ARL15: variants seen among roughly 807,000 people sequenced by gnomAD.
The protein encoded by ARL15 is ARF like GTPase 15.
ARL15 carries 19 observed loss-of-function variants against 25.2 expected under a neutral mutation model. The ratio of observed to expected loss-of-function variants is 0.75; its 90% CI spans 0.53 to 1.10. The LOEUF (loss-of-function observed/expected upper bound fraction) is 1.10. Ranked by LOEUF, ARL15 falls within the 50% of genes least tolerant of loss-of-function variation. The pLI, the probability that ARL15 is intolerant of heterozygous loss-of-function variation, is 0.00. For synonymous variants in ARL15, 94 were observed against 86.8 expected, an observed-to-expected ratio of 1.08 and a Z score of -0.46; for missense variants, 220 against 246.0, an observed-to-expected ratio of 0.89 and a Z score of 0.71.
At chr5:54,287,856 C>T (rs1758221815) in intron 1 of ARL15, among the ~76,000 whole-genome samples, 1 of 152,240 alleles carries the variant, frequency 6.6e-6, no homozygotes, top group East Asian at 1.9e-4. Flanking sequence ...TAGTAGCTGA[C>T]CAACAACCAT....
chr5:54,024,869 T>C (rs576157377), intron 4 of ARL15, among the ~76,000 whole-genome samples: 2 of 152,210 alleles, frequency 1.3e-5, no homozygotes, highest in East Asian at 3.9e-4. Context: ...AAAAGGCAAT[T>C]CAAGAAGGAA....
At chr5:54,169,906 A>C (rs1754670109) in intron 2 of ARL15, among the ~76,000 whole-genome samples, 1 of 151,956 alleles carries the variant, frequency 6.6e-6, no homozygotes, top group South Asian at 2.1e-4. Flanking sequence ...CAATCCCCTT[A>C]TCCTTTCCCT....
chr5:54,080,004 CACACACACACACAG>C (rs1325724884), intron 4 of ARL15, among the ~76,000 whole-genome samples: 3 of 125,638 alleles, frequency 2.4e-5, no homozygotes, highest in Admixed American at 7.8e-5. Flanking sequence ...CACACACACA[CACACACACACACAG>C]ACACAGATGT....
chr5:54,255,157 G>C (rs1399869045), intron 1 of ARL15, among the ~76,000 whole-genome samples: 5 of 151,996 alleles, frequency 3.3e-5, no homozygotes. Flanking sequence ...TTACTGAAAT[G>C]GACACACGTA....
chr5:54,294,839 T>C (rs1257349057), intron 1 of ARL15, among the ~76,000 whole-genome samples: 1 of 152,174 alleles, frequency 6.6e-6, no homozygotes, highest in Non-Finnish European at 1.5e-5. Context: ...TATAAAGCAA[T>C]TGGGATAAAT....
intron 4 of ARL15, among the ~76,000 whole-genome samples, chr5:54,049,050 T>A (rs1426453570): frequency 6.6e-6 from 1 of 152,064 alleles, no homozygotes; most frequent in East Asian, 1.9e-4. Flanking sequence ...AATCCCTGCA[T>A]TGGTGGGGAA....
At chr5:54,149,392 AAG>A (rs1457754598) in intron 3 of ARL15, among the ~76,000 whole-genome samples, 2 of 152,178 alleles carry the variant, frequency 1.3e-5, no homozygotes, top group African/African-American at 2.4e-5. Context: ...TATGACCACA[AAG>A]AGAAAAAAAA....
At chr5:54,290,791 G>A (rs1358042725) in intron 1 of ARL15, among the ~76,000 whole-genome samples, 6 of 152,086 alleles carry the variant, frequency 3.9e-5, no homozygotes, top group East Asian at 1.9e-4. Flanking sequence ...CGTCCCATTC[G>A]TTTTTAATAT....
intron 1 of ARL15, among the ~76,000 whole-genome samples, chr5:54,265,975 A>T (rs979900608): frequency 1.3e-5 from 2 of 152,194 alleles, no homozygotes; most frequent in Non-Finnish European, 2.9e-5. Flanking sequence ...GGGTTCAGAG[A>T]TGTTAAGTGA....
chr5:54,172,732 T>C (rs1384698885), intron 1 of ARL15, among the ~76,000 whole-genome samples: 2 of 152,180 alleles, frequency 1.3e-5, no homozygotes, highest in African/African-American at 4.8e-5. Context: ...TGATGCTGAG[T>C]AAAGAGAATA....
At chr5:54,072,186 A>T (rs1751449441) in intron 4 of ARL15, among the ~76,000 whole-genome samples, 1 of 152,130 alleles carries the variant, frequency 6.6e-6, no homozygotes, top group South Asian at 2.1e-4. Context: ...TGTACAAGAC[A>T]GGTTGGTTAC....
At chr5:54,152,696 T>C (rs1470504412) in intron 3 of ARL15, among the ~76,000 whole-genome samples, 2 of 152,210 alleles carry the variant, frequency 1.3e-5, no homozygotes, top group Admixed American at 6.5e-5. Context: ...GCCTTTTACC[T>C]GCATCTCTTA....
chr5:54,276,351 T>C (rs1409990568), intron 1 of ARL15, among the ~76,000 whole-genome samples: 1 of 152,210 alleles, frequency 6.6e-6, no homozygotes, highest in Non-Finnish European at 1.5e-5. Flanking sequence ...AATGGTCATA[T>C]ATTAAATCTG....
intron 1 of ARL15, among the ~76,000 whole-genome samples, chr5:54,188,015 T>C (rs1177474187): frequency 6.6e-6 from 1 of 152,200 alleles, no homozygotes; most frequent in African/African-American, 2.4e-5. Flanking sequence ...AAAAACATTC[T>C]GGTTTTTGAC....
rs150505377 is a variant in ARL15, at chr5:53,958,980, C to T, written c.463-72267G>A. Among the ~76,000 whole-genome samples the T allele has an allele frequency of 4.0e-3, 607 of 152,206 alleles. 2 individuals are homozygous for T. The highest frequency in any genetic ancestry group is 5.9e-3 in the Non-Finnish European group (404 of 68,016). Reference sequence around the variant, plus strand: ...AATAATTGGGGACATCAATACCTCACTTTCAATAATAGAAAGAATATCTAG... The same window carrying T: ...AATAATTGGGGACATCAATACCTCATTTTCAATAATAGAAAGAATATCTAG... On this transcript the variant is annotated intron_variant, in intron 4 of 4. Coordinates refer to ENST00000504924, the MANE Select transcript of ARL15 (RefSeq NM_019087.3).
chr5:53,923,122 C>A (rs1398544432), intron 4 of ARL15, among the ~76,000 whole-genome samples: 2 of 152,150 alleles, frequency 1.3e-5, no homozygotes, highest in Non-Finnish European at 2.9e-5. Flanking sequence ...AAACTCAGGG[C>A]AAGCAAGTTT....
intron 4 of ARL15, among the ~76,000 whole-genome samples, chr5:53,986,036 C>T (rs1748287245): frequency 6.6e-6 from 1 of 152,194 alleles, no homozygotes; most frequent in Admixed American, 6.5e-5. Flanking sequence ...CCTGTAACCA[C>T]AGAGCTAAGA....
At chr5:53,910,722 A>G (rs927964144) in intron 4 of ARL15, among the ~76,000 whole-genome samples, 4 of 142,972 alleles carry the variant, frequency 2.8e-5, no homozygotes, top group African/African-American at 1.1e-4. Flanking sequence ...TATTTTCCCT[A>G]TGGAAGACAC....
chr5:54,257,421 A>C (rs1234648817), intron 1 of ARL15, among the ~76,000 whole-genome samples: 1 of 152,132 alleles, frequency 6.6e-6, no homozygotes, highest in African/African-American at 2.4e-5. Context: ...AGAGGAACAC[A>C]CCCCTAGGAA....
Sources: gnomAD v4.1 joint callset for allele counts (sites outside exome capture counted in the v4.1 genomes callset) on GRCh38, gnomAD v4.1.1 for gene constraint, MANE v1.5 for transcripts, NCBI Gene and HGNC (gene_info 2026-07-23, HGNC 2026-07-21) for gene names.